Variants in PPARGC1A observed in about 807,000 individuals in gnomAD.
PPARGC1A encodes PPARG coactivator 1 alpha.
In PPARGC1A, 25 loss-of-function variants were observed where a neutral mutation model predicts 88.7. The observed-to-expected ratio is 0.28, with a 90% CI of 0.21 to 0.39. The LOEUF (loss-of-function observed/expected upper bound fraction) is 0.39. PPARGC1A is among the 10% of genes least tolerant of loss of function. The probability of loss-of-function intolerance (pLI) is 1.00; values close to 1 mark genes in which losing one functional copy is unlikely to be tolerated. For missense variants in PPARGC1A, 880 were observed against 968.7 expected (o/e 0.91, Z 1.22); for synonymous variants, 363 against 355.6 (o/e 1.02, Z -0.24).
intron 2 of PPARGC1A, among the ~76,000 whole-genome samples, chr4:23,877,360 CAAAAAAAAAAAAAAAAAA>C (rs551447166): frequency 8.0e-5 from 5 of 62,818 alleles, no homozygotes; most frequent in South Asian, 6.4e-4. Flanking sequence ...ACTAAAAATA[CAAAAAAAAAAAAAAAAAA>C]AAAAAAAAAA....
the PPARGC1A span, among the ~76,000 whole-genome samples, chr4:23,951,030 A>G: frequency 6.6e-6 from 1 of 152,116 alleles, no homozygotes; most frequent in Non-Finnish European, 1.5e-5. Context: ...CAATTACACA[A>G]TTGTTCAGTT....
At chr4:24,388,500 A>G in the PPARGC1A span, among the ~76,000 whole-genome samples, 5 of 152,192 alleles carry the variant, frequency 3.3e-5, no homozygotes. Context: ...AAACCATTCT[A>G]CTATAAAGAC....
the PPARGC1A span, among the ~76,000 whole-genome samples, chr4:24,153,406 T>C: frequency 6.6e-6 from 1 of 152,058 alleles, no homozygotes; most frequent in Admixed American, 6.6e-5. Flanking sequence ...AAAGATTTGA[T>C]CTGAACAAAA....
At chr4:24,343,578 A>G in the PPARGC1A span, among the ~76,000 whole-genome samples, 3 of 152,328 alleles carry the variant, frequency 2.0e-5, no homozygotes, top group African/African-American at 7.2e-5. Context: ...TCTATTGTTT[A>G]TAAATTGTAC....
the PPARGC1A span, among the ~76,000 whole-genome samples, chr4:24,401,516 G>A: frequency 1.4e-5 from 2 of 144,754 alleles, no homozygotes; most frequent in Non-Finnish European, 3.2e-5. Context: ...AGAAAGAACC[G>A]CACCCACCTT....
chr4:24,197,779 A>G, the PPARGC1A span, among the ~76,000 whole-genome samples: 1 of 152,232 alleles, frequency 6.6e-6, no homozygotes, highest in African/African-American at 2.4e-5. Flanking sequence ...TGCAGAAGTC[A>G]TCGAGCTGCC....
chr4:24,249,612 C>T, the PPARGC1A span, among the ~76,000 whole-genome samples: 2 of 150,030 alleles, frequency 1.3e-5, no homozygotes, highest in African/African-American at 2.4e-5. Context: ...AGTGAGATCC[C>T]GGGGAATCGG....
At chr4:24,049,821 C>T in the PPARGC1A span, among the ~76,000 whole-genome samples, 9 of 152,274 alleles carry the variant, frequency 5.9e-5, no homozygotes, top group African/African-American at 2.2e-4. Context: ...TGCCTTCCAA[C>T]TCTAGTCAGT....
At chr4:23,831,883 A>G in intron 2 of PPARGC1A, 132 bp from the exon 3 acceptor site, 1 of 711,404 alleles carries the variant, frequency 1.4e-6, no homozygotes, top group East Asian at 2.6e-5. Flanking sequence ...CACAAAGATC[A>G]TGTCTTTCTC....
the PPARGC1A span, among the ~76,000 whole-genome samples, chr4:24,298,131 T>A: frequency 1.3e-4 from 19 of 151,760 alleles, no homozygotes; most frequent in African/African-American, 3.6e-4. Flanking sequence ...CCAATTGGCC[T>A]CATCTTTATC....
chr4:24,226,658 G>A, the PPARGC1A span, among the ~76,000 whole-genome samples: 1 of 152,228 alleles, frequency 6.6e-6, no homozygotes, highest in Non-Finnish European at 1.5e-5. Context: ...TAACACAGAA[G>A]TCCTGGGGCT....
the PPARGC1A span, among the ~76,000 whole-genome samples, chr4:24,431,753 C>T: frequency 6.6e-6 from 1 of 152,270 alleles, no homozygotes; most frequent in South Asian, 2.1e-4. Flanking sequence ...GCCGCTGAAT[C>T]TCCAGAAGCT....
the PPARGC1A span, among the ~76,000 whole-genome samples, chr4:24,056,850 T>C: frequency 4.6e-5 from 7 of 152,134 alleles, no homozygotes. Flanking sequence ...GCACTATTGG[T>C]GGAGTGTAAA....
chr4:24,140,594 G>C, the PPARGC1A span, among the ~76,000 whole-genome samples: 1 of 152,188 alleles, frequency 6.6e-6, no homozygotes, highest in Non-Finnish European at 1.5e-5. Context: ...GCCAGGACTT[G>C]TGTGCAAGGA....
At chr4:24,018,749 C>A in the PPARGC1A span, among the ~76,000 whole-genome samples, 2 of 138,556 alleles carry the variant, frequency 1.4e-5, no homozygotes, top group Non-Finnish European at 3.1e-5. Context: ...TCTGATAAAG[C>A]CTTACTGACA....
the PPARGC1A span, among the ~76,000 whole-genome samples, chr4:24,360,924 G>C: frequency 1.3e-5 from 2 of 152,178 alleles, no homozygotes; most frequent in Admixed American, 6.5e-5. Flanking sequence ...TTCATGGTAA[G>C]AATTCAATAA....
the PPARGC1A span, among the ~76,000 whole-genome samples, chr4:23,931,457 C>T: frequency 0.95 from 144,221 of 152,102 alleles, 68,477 homozygotes; most frequent in East Asian, 1. Context: ...TTCCAGCATA[C>T]TTTAGATTTT....
At chr4:23,844,734 TG>T (rs1363487944) in intron 2 of PPARGC1A, among the ~76,000 whole-genome samples, 12 of 93,188 alleles carry the variant, frequency 1.3e-4, no homozygotes, top group African/African-American at 3.8e-4. Context: ...TTATAATATA[TG>T]ATATATCATA....
the PPARGC1A span, among the ~76,000 whole-genome samples, chr4:24,181,395 G>A: frequency 6.6e-6 from 1 of 152,160 alleles, no homozygotes; most frequent in Non-Finnish European, 1.5e-5. Context: ...AATATTGGTA[G>A]CTACCTTGTA....
Sources: gnomAD v4.1 joint callset for allele counts (sites outside exome capture counted in the v4.1 genomes callset) on GRCh38, gnomAD v4.1.1 for gene constraint, MANE v1.5 for transcripts, NCBI Gene and HGNC (gene_info 2026-07-23, HGNC 2026-07-21) for gene names.